Variants in MYO6 observed in about 807,000 individuals in gnomAD.
MYO6 encodes myosin VI.
Under a neutral mutation model 178.7 loss-of-function variants are expected in MYO6, and 74 were observed. The ratio of observed to expected loss-of-function variants is 0.41; its 90% CI spans 0.34 to 0.50. The LOEUF is 0.50. MYO6 is among the 20% of genes least tolerant of loss of function. The pLI, the probability that MYO6 is intolerant of heterozygous loss-of-function variation, is 0.09. For synonymous variants in MYO6, 477 were observed against 504.6 expected (o/e 0.95, Z 0.73); for missense variants, 1,330 against 1,547.4 (o/e 0.86, Z 2.36).
At chr6:75,841,426 T>A in intron 9 of MYO6, 48 bp downstream of exon 9, 2 of 1,555,774 alleles carry the variant, frequency 1.3e-6, no homozygotes, top group Non-Finnish European at 1.8e-6. Context: ...CAGTGGCTCA[T>A]GCCTGTAATC....
chr6:75,790,452 A>T (rs1334351588), intron 1 of MYO6, among the ~76,000 whole-genome samples: 1 of 148,316 alleles, frequency 6.7e-6, no homozygotes, highest in Non-Finnish European at 1.5e-5. Flanking sequence ...ATCTCGGCTC[A>T]CTCACTGCAA....
intron 11 of MYO6, among the ~76,000 whole-genome samples, chr6:75,851,411 A>G (rs887930534): frequency 6.6e-6 from 1 of 152,202 alleles, no homozygotes; most frequent in African/African-American, 2.4e-5. Flanking sequence ...CATCCTTCCT[A>G]TGACTCTTCC....
chr6:75,900,459 T>C (rs1398431310), intron 30 of MYO6, among the ~76,000 whole-genome samples: 1 of 152,216 alleles, frequency 6.6e-6, no homozygotes, highest in Non-Finnish European at 1.5e-5. Context: ...GTCATTGTGG[T>C]TTTGATTTGC....
intron 20 of MYO6, 39 bp from the exon 21 acceptor site, chr6:75,879,781 C>G (rs749426704): frequency 2.5e-6 from 4 of 1,614,056 alleles, no homozygotes; most frequent in Non-Finnish European, 3.4e-6. Context: ...GACTTCCGAA[C>G]AGTGATTGAC....
intron 6 of MYO6, among the ~76,000 whole-genome samples, chr6:75,834,033 T>G (rs1380441123): frequency 6.6e-6 from 1 of 152,240 alleles, no homozygotes; most frequent in Non-Finnish European, 1.5e-5. Context: ...GAAATATTCC[T>G]TAAGAATCTC....
intron 13 of MYO6, among the ~76,000 whole-genome samples, chr6:75,858,084 TC>T (rs1479525911): frequency 2.1e-5 from 3 of 139,918 alleles, no homozygotes; most frequent in African/African-American, 4.9e-5. Context: ...TAATTTTTTT[TC>T]CTTTTCTACA....
At chr6:75,913,400 C>G (rs540809087) in intron 33 of MYO6, among the ~76,000 whole-genome samples, 7 of 152,198 alleles carry the variant, frequency 4.6e-5, no homozygotes, top group Non-Finnish European at 7.4e-5. Context: ...GGATTTTATT[C>G]TAAGAGAAAT....
chr6:75,870,811 T>TA, intron 19 of MYO6, 126 bp downstream of exon 19: 1 of 733,198 alleles, frequency 1.4e-6, no homozygotes, highest in Non-Finnish European at 2.1e-6. Flanking sequence ...TCTCTTATTT[T>TA]AAAAAATTAG....
intron 28 of MYO6, 30 bp downstream of exon 28, chr6:75,892,720 C>G: frequency 1.2e-6 from 2 of 1,610,956 alleles, no homozygotes; most frequent in Non-Finnish European, 1.7e-6. Flanking sequence ...GGGTATAGCG[C>G]TCTCTCCTTT....
At chr6:75,863,472 C>G (rs954228111) in intron 16 of MYO6, among the ~76,000 whole-genome samples, 1 of 151,820 alleles carries the variant, frequency 6.6e-6, no homozygotes, top group East Asian at 1.9e-4. Flanking sequence ...GGCCAGAAGA[C>G]CTGGTTTCTG....
chr6:75,825,733 CT>C (rs1475325284), intron 3 of MYO6, among the ~76,000 whole-genome samples: 1 of 151,846 alleles, frequency 6.6e-6, no homozygotes, highest in East Asian at 1.9e-4. Context: ...TTCTTTTTTT[CT>C]TTTAGTGAGC....
chr6:75,860,960 CAG>C (rs1776152844), intron 14 of MYO6, 61 bp from the exon 15 acceptor site: 8 of 1,177,002 alleles, frequency 6.8e-6, no homozygotes, highest in Non-Finnish European at 8.9e-6. Context: ...TGTTCAGAAA[CAG>C]TGCAAAATTC....
chr6:75,865,506 G>C (rs1193642160), intron 16 of MYO6, among the ~76,000 whole-genome samples: 5 of 151,562 alleles, frequency 3.3e-5, no homozygotes, highest in Non-Finnish European at 7.4e-5. Context: ...TGGGACTGCA[G>C]GCCTGCTCCA....
chr6:75,776,840 G>GTT, intron 1 of MYO6, among the ~76,000 whole-genome samples: 1 of 151,780 alleles, frequency 6.6e-6, no homozygotes, highest in Non-Finnish European at 1.5e-5. Context: ...TTATTTGTTT[G>GTT]TTTTTTTAAC....
chr6:75,862,791 A>G, intron 16 of MYO6, 68 bp downstream of exon 16: 2 of 1,541,828 alleles, frequency 1.3e-6, no homozygotes, highest in South Asian at 1.1e-5. Context: ...TGCATTAGCT[A>G]TTAGATATTA....
intron 1 of MYO6, among the ~76,000 whole-genome samples, chr6:75,799,340 C>T (rs929659507): frequency 4.0e-5 from 6 of 150,532 alleles, no homozygotes; most frequent in Admixed American, 6.6e-5. Context: ...CAGTGATTCG[C>T]GATCTTGCCA....
At chr6:75,801,383 G>C (rs1308942133) in intron 1 of MYO6, among the ~76,000 whole-genome samples, 1 of 152,048 alleles carries the variant, frequency 6.6e-6, no homozygotes, top group Non-Finnish European at 1.5e-5. Context: ...TTCTTGCATG[G>C]CTTAAGAAGG....
At chr6:75,886,762 C>G in intron 24 of MYO6, 82 bp from the exon 25 acceptor site, 1 of 1,305,846 alleles carries the variant, frequency 7.7e-7, no homozygotes, top group Non-Finnish European at 1.1e-6. Flanking sequence ...GTGAAATACC[C>G]TGTTTAGCAT....
intron 1 of MYO6, among the ~76,000 whole-genome samples, chr6:75,776,271 C>T (rs1280436914): frequency 1.3e-5 from 2 of 152,078 alleles, no homozygotes; most frequent in Non-Finnish European, 2.9e-5. Context: ...TTGTTTTCTC[C>T]AAATATAAAT....
Sources: allele counts gnomAD v4.1 joint callset (sites outside exome capture counted in the v4.1 genomes callset), GRCh38; gene constraint gnomAD v4.1.1; transcripts MANE v1.5; gene names NCBI Gene and HGNC (gene_info 2026-07-23, HGNC 2026-07-21).